STAC: variants seen among roughly 807,000 people sequenced by gnomAD.
STAC encodes SH3 and cysteine-rich domain-containing protein.
A neutral mutation model predicts 48.8 loss-of-function variants in STAC; 43 were observed. That is an observed-to-expected ratio of 0.88 (90% confidence interval 0.69 to 1.14). The LOEUF is 1.14. Ranked by LOEUF, STAC falls within the 50% of genes most tolerant of loss-of-function variation. The probability of loss-of-function intolerance (pLI) is 0.00; values close to 1 mark genes in which losing one functional copy is unlikely to be tolerated. For synonymous variants in STAC, 193 were observed against 179.5 expected (o/e 1.07, Z -0.60); for missense variants, 497 against 504.0 (o/e 0.99, Z 0.13).
At chr3:36,499,198 G>A (rs540522858) in intron 6 of STAC, among the ~76,000 whole-genome samples, 9 of 152,142 alleles carry the variant, frequency 5.9e-5, no homozygotes, top group Admixed American at 2.6e-4. Flanking sequence ...ATGGAAAGAC[G>A]GAAATGTAAG....
intron 8 of STAC, among the ~76,000 whole-genome samples, chr3:36,514,329 A>ACACATT (rs1698617518): frequency 6.8e-6 from 1 of 148,038 alleles, no homozygotes; most frequent in African/African-American, 2.5e-5. Flanking sequence ...CATCAAACAC[A>ACACATT]CACATTCACA....
At chr3:36,482,913 C>A in intron 2 of STAC, 79 bp from the exon 3 acceptor site, 1 of 957,232 alleles carries the variant, frequency 1.0e-6, no homozygotes, top group Non-Finnish European at 1.6e-6. Flanking sequence ...CCTGGGGAAC[C>A]TCATTTTCTG....
intron 5 of STAC, among the ~76,000 whole-genome samples, chr3:36,491,180 T>A (rs1380396326): frequency 6.6e-6 from 1 of 152,282 alleles, no homozygotes; most frequent in East Asian, 1.9e-4. Context: ...AGTATTCTTA[T>A]GTCCTAAAGT....
intron 1 of STAC, among the ~76,000 whole-genome samples, chr3:36,387,154 T>C (rs911818928): frequency 2.8e-4 from 43 of 152,234 alleles, no homozygotes; most frequent in African/African-American, 1.0e-3. Context: ...ATAAATATTT[T>C]ATATTTACTT....
intron 10 of STAC, among the ~76,000 whole-genome samples, chr3:36,532,723 C>A (rs959359370): frequency 2.0e-5 from 3 of 152,154 alleles, no homozygotes; most frequent in African/African-American, 7.2e-5. Flanking sequence ...CATGACTATT[C>A]CTTTTTGGAT....
At chr3:36,438,220 C>T (rs529920406) in intron 1 of STAC, among the ~76,000 whole-genome samples, 7 of 152,234 alleles carry the variant, frequency 4.6e-5, no homozygotes, top group East Asian at 1.9e-4. Flanking sequence ...CGTGAGCCAC[C>T]GCACCCGGCC....
intron 1 of STAC, among the ~76,000 whole-genome samples, chr3:36,442,972 T>C (rs1322227423): frequency 6.6e-6 from 1 of 152,214 alleles, no homozygotes; most frequent in Non-Finnish European, 1.5e-5. Context: ...AGGCCAGCTT[T>C]ACACATGTAG....
intron 8 of STAC, among the ~76,000 whole-genome samples, chr3:36,508,202 T>C (rs1047007311): frequency 2.0e-5 from 3 of 152,184 alleles, no homozygotes; most frequent in African/African-American, 7.2e-5. Flanking sequence ...AGGAGCAGGT[T>C]GTTCAGTTTC....
chr3:36,523,331 C>G (rs1442661746), intron 8 of STAC, among the ~76,000 whole-genome samples: 1 of 152,198 alleles, frequency 6.6e-6, no homozygotes, highest in African/African-American at 2.4e-5. Context: ...AAAAGGCCAG[C>G]TGTGGTGCTC....
At chr3:36,387,155 A>G (rs1207496211) in intron 1 of STAC, among the ~76,000 whole-genome samples, 2 of 152,162 alleles carry the variant, frequency 1.3e-5, no homozygotes, top group African/African-American at 4.8e-5. Flanking sequence ...TAAATATTTT[A>G]TATTTACTTA....
At chr3:36,380,954 C>T (rs1178046307) in intron 1 of STAC, among the ~76,000 whole-genome samples, 200 bp downstream of exon 1, 3 of 140,906 alleles carry the variant, frequency 2.1e-5, no homozygotes, top group African/African-American at 7.4e-5. Flanking sequence ...CCTTCCCGCC[C>T]ACACATTCAC....
chr3:36,413,643 G>A (rs1347672472), intron 1 of STAC, among the ~76,000 whole-genome samples: 5 of 152,138 alleles, frequency 3.3e-5, no homozygotes, highest in Non-Finnish European at 7.3e-5. Context: ...GCCAGTCTGT[G>A]TCTTTTAATT....
At chr3:36,446,204 C>T (rs936156) in intron 2 of STAC, among the ~76,000 whole-genome samples, 121,615 of 152,244 alleles carry the variant, frequency 0.8, 49,222 homozygotes, top group African/African-American at 0.93. Context: ...CTTCAACACA[C>T]TGCTACCCTT....
chr3:36,432,155 C>T (rs1167051178), intron 1 of STAC, among the ~76,000 whole-genome samples: 1 of 152,188 alleles, frequency 6.6e-6, no homozygotes, highest in Non-Finnish European at 1.5e-5. Context: ...TGCCAGACAC[C>T]TTGCCAGATA....
At chr3:36,525,398 T>C (rs1698907841) in intron 8 of STAC, among the ~76,000 whole-genome samples, 1 of 152,156 alleles carries the variant, frequency 6.6e-6, no homozygotes. Flanking sequence ...TTCTAATGTG[T>C]AATTCAGTTA....
intron 1 of STAC, among the ~76,000 whole-genome samples, chr3:36,391,531 A>G (rs1403603558): frequency 6.6e-6 from 1 of 152,238 alleles, no homozygotes; most frequent in African/African-American, 2.4e-5. Flanking sequence ...AATGGAATTT[A>G]TCATTCTTGA....
At chr3:36,426,382 C>T (rs1480913389) in intron 1 of STAC, among the ~76,000 whole-genome samples, 1 of 152,226 alleles carries the variant, frequency 6.6e-6, no homozygotes, top group Non-Finnish European at 1.5e-5. Context: ...ACTTGCTGCT[C>T]TAATTCTCCA....
chr3:36,492,869 GA>G (rs1329844552), intron 5 of STAC, among the ~76,000 whole-genome samples: 6 of 152,212 alleles, frequency 3.9e-5, no homozygotes, highest in African/African-American at 1.4e-4. Context: ...TTCCTGGGAA[GA>G]AGCCTGGCTG....
intron 1 of STAC, among the ~76,000 whole-genome samples, chr3:36,396,441 T>G (rs1037265205): frequency 3.3e-5 from 5 of 152,176 alleles, no homozygotes; most frequent in Admixed American, 1.3e-4. Context: ...GATAACACAT[T>G]ATTACTACTA....
Sources: allele counts gnomAD v4.1 joint callset (sites outside exome capture counted in the v4.1 genomes callset), GRCh38; gene constraint gnomAD v4.1.1; transcripts MANE v1.5; gene names NCBI Gene and HGNC (gene_info 2026-07-23, HGNC 2026-07-21).